ALMS1: variants seen among roughly 807,000 people sequenced by gnomAD.
The protein encoded by ALMS1 is ALMS1 centrosome and basal body associated protein, also known as centrosome-associated protein ALMS1.
ALMS1 carries 271 observed loss-of-function variants against 352.2 expected under a neutral mutation model. That is an observed-to-expected ratio of 0.77 (90% CI 0.70 to 0.85). The LOEUF (loss-of-function observed/expected upper bound fraction) is 0.85, where lower values mean the gene tolerates loss of function less well. ALMS1 is among the 40% of genes least tolerant of loss of function. The pLI is 0.00. For missense variants in ALMS1, 5,445 were observed against 4,870.7 expected (o/e 1.12, Z -3.51); for synonymous variants, 1,865 against 1,761.2 (o/e 1.06, Z -1.48).
intron 11 of ALMS1, among the ~76,000 whole-genome samples, chr2:73,533,124 TC>T (rs1248806538): frequency 2.0e-5 from 3 of 152,306 alleles, no homozygotes; most frequent in East Asian, 1.9e-4. Context: ...TGTTTAATCT[TC>T]CGTCTTCCGA....
rs896141836 is a variant in ALMS1, at chr2:73,486,426, C to A, written c.7675-3208C>A. Among the ~76,000 whole-genome samples the A allele has an allele frequency of 2.6e-5, 4 of 152,262 alleles. No individual in the cohort carries two copies. In the South Asian group the frequency reaches 8.3e-4, roughly 32 times the overall value. ...TTGGTGTGAGTGGGTCTAGTTTTTT[C>A]TGTGATGGTTGGCTGGAGTAGAATG... is the stretch of plus-strand genomic sequence containing the variant. On this transcript the variant is annotated intron_variant, in intron 9 of 22. Coordinates refer to ENST00000613296, the MANE Select transcript of ALMS1 (RefSeq NM_001378454.1).
At chr2:73,550,169 T>C (rs774017266) in intron 12 of ALMS1, 98 bp from the exon 13 acceptor site, 53 of 1,367,632 alleles carry the variant, frequency 3.9e-5, no homozygotes, top group Non-Finnish European at 5.0e-5. Context: ...CTGTAGTGCT[T>C]TTTTCATAGA....
chr2:73,604,916 C>G (rs1675781076), intron 21 of ALMS1, among the ~76,000 whole-genome samples: 1 of 152,166 alleles, frequency 6.6e-6, no homozygotes, highest in Non-Finnish European at 1.5e-5. Flanking sequence ...TCCTGCACAG[C>G]CTCCCGCCAG....
At chr2:73,576,677 A>G (rs571055799) in intron 16 of ALMS1, among the ~76,000 whole-genome samples, 53 of 150,852 alleles carry the variant, frequency 3.5e-4, no homozygotes, top group Non-Finnish European at 7.4e-4. Flanking sequence ...CTGGAGTGCA[A>G]TGACGTGATC....
In ALMS1 at chr2:73,572,662, T is replaced by C. The variant is rs776445965; in HGVS notation, c.10785T>C (p.Thr3595=). ...CCCCAGAGCAAACAACTCAGCACAC[T>C]GTGAGTTTGAATGAACTGTGGAACA... ...KVTPEQTTQH[T]VSLNELWNKY... Residue 3595 remains threonine, a synonymous_variant, in exon 16 of 23, where the codon ACT becomes ACC. Transcript: ENST00000613296. The C allele has an allele frequency of 1.2e-6, 2 of 1,613,974 alleles. No homozygotes were observed. Among genetic ancestry groups the C allele is most frequent in the South Asian group, 1.1e-5 (1 of 91,072 alleles).
chr2:73,556,848 G>T (rs985294092), intron 13 of ALMS1, among the ~76,000 whole-genome samples: 1 of 151,904 alleles, frequency 6.6e-6, no homozygotes, highest in African/African-American at 2.4e-5. Context: ...GACTACAGGC[G>T]TGCACCACGA....
At chr2:73,471,781 T>G (rs536324544) in intron 9 of ALMS1, among the ~76,000 whole-genome samples, 2 of 152,044 alleles carry the variant, frequency 1.3e-5, no homozygotes, top group Non-Finnish European at 2.9e-5. Flanking sequence ...TGTAAAATGG[T>G]GTAGCTGCTG....
chr2:73,460,304 T>G (rs1265706104), intron 9 of ALMS1, among the ~76,000 whole-genome samples: 1 of 152,222 alleles, frequency 6.6e-6, no homozygotes, highest in African/African-American at 2.4e-5. Context: ...CAATGAATGG[T>G]GATATATTAG....
Position 73,451,943 on chromosome 2 carries a change from T to C in ALMS1, c.5416T>C (p.Tyr1806His). 1 of 1,614,034 alleles carries C rather than the reference T, an allele frequency of 6.2e-7. No homozygotes were observed. The highest frequency in any genetic ancestry group is 1.3e-5 in the African/African-American group (1 of 75,002). ...GGTATCAACAGTAACCTCTACTTCC[T>C]ACTCACACAGAGAGAAGCCCATTGT... ...TGVSTVTSTS[Y>H]SHREKPIVSY... The change falls in exon 8 of 23, where the codon TAC becomes CAC. Residue 1806 changes from tyrosine to histidine, a missense_variant. By Grantham distance (83) the Tyr-to-His change is moderately conservative. Transcript: ENST00000613296.
chr2:73,513,289 A>G (rs1673489680), intron 10 of ALMS1, among the ~76,000 whole-genome samples: 1 of 151,620 alleles, frequency 6.6e-6, no homozygotes, highest in Non-Finnish European at 1.5e-5. Context: ...AATGCTCATC[A>G]CCCTCAACGT....
At chr2:73,488,842 G>A (rs867639392) in intron 9 of ALMS1, among the ~76,000 whole-genome samples, 1 of 152,186 alleles carries the variant, frequency 6.6e-6, no homozygotes, top group Non-Finnish European at 1.5e-5. Context: ...TATATTTATG[G>A]TAGCTTTGAG....
chr2:73,501,881 TC>T (rs1176649835), intron 10 of ALMS1, among the ~76,000 whole-genome samples: 28 of 152,124 alleles, frequency 1.8e-4, no homozygotes, highest in African/African-American at 5.3e-4. Context: ...TTTTCAGTCT[TC>T]CTATGCATGA....
intron 15 of ALMS1, among the ~76,000 whole-genome samples, chr2:73,562,031 AATG>A (rs1674674307): frequency 6.6e-6 from 1 of 152,296 alleles, no homozygotes; most frequent in South Asian, 2.1e-4. Flanking sequence ...ATTAAAAAAA[AATG>A]ATGGAATTTG....
chr2:73,586,029 G>T (rs2104146310), intron 16 of ALMS1, among the ~76,000 whole-genome samples: 1 of 152,236 alleles, frequency 6.6e-6, no homozygotes, highest in Middle Eastern at 3.4e-3. Context: ...CAAGATGCTG[G>T]GATTACAGAC....
At chr2:73,481,508 C>T (rs1025063670) in intron 9 of ALMS1, among the ~76,000 whole-genome samples, 211 of 152,186 alleles carry the variant, frequency 1.4e-3, no homozygotes, top group African/African-American at 2.6e-3. Context: ...AGTCAGGTAG[C>T]GTGATGCCTC....
chr2:73,420,689 C>T (rs1671265347), intron 3 of ALMS1, among the ~76,000 whole-genome samples: 3 of 152,152 alleles, frequency 2.0e-5, no homozygotes, highest in Admixed American at 6.5e-5. Context: ...GATTGTACTT[C>T]GTGACCTAAA....
At chr2:73,574,418 T>A (rs905453582) in intron 16 of ALMS1, among the ~76,000 whole-genome samples, 2 of 152,184 alleles carry the variant, frequency 1.3e-5, no homozygotes, top group African/African-American at 4.8e-5. Context: ...CCCAACTTTT[T>A]AAAATTTATA....
intron 7 of ALMS1, among the ~76,000 whole-genome samples, chr2:73,443,813 A>C (rs978403386): frequency 6.6e-6 from 1 of 152,170 alleles, no homozygotes; most frequent in Non-Finnish European, 1.5e-5. Context: ...GTTCTCAAGA[A>C]AGTGGATCAA....
chr2:73,518,480 A>G (rs908927768), intron 10 of ALMS1, among the ~76,000 whole-genome samples: 7 of 152,156 alleles, frequency 4.6e-5, no homozygotes, highest in Non-Finnish European at 8.8e-5. Context: ...GGGTATGTAC[A>G]CAGCAATGGA....
Sources: allele counts gnomAD v4.1 joint callset (sites outside exome capture counted in the v4.1 genomes callset), GRCh38; gene constraint gnomAD v4.1.1; transcripts MANE v1.5; gene names NCBI Gene and HGNC (gene_info 2026-07-23, HGNC 2026-07-21).